The following GRIK4 variants were observed in gnomAD, a reference collection of about 807,000 sequenced individuals.
The protein encoded by GRIK4 is glutamate receptor ionotropic, kainate 4.
A neutral mutation model predicts 104.9 loss-of-function variants in GRIK4; 40 were observed. The observed-to-expected ratio is 0.38, with a 90% CI of 0.30 to 0.50. The LOEUF (loss-of-function observed/expected upper bound fraction) is 0.50. GRIK4 is among the 20% of genes least tolerant of loss of function. The pLI is 0.93. For missense variants in GRIK4, 1,047 were observed against 1,308.1 expected (o/e 0.80, Z 3.08); for synonymous variants, 485 against 524.9 (o/e 0.92, Z 1.04).
At chr11:120,768,459 C>T (rs775855207) in intron 3 of GRIK4, among the ~76,000 whole-genome samples, 36 of 152,050 alleles carry the variant, frequency 2.4e-4, no homozygotes, top group East Asian at 5.8e-4. Flanking sequence ...TTAAAACTTT[C>T]GAGTTTTCTA....
intron 3 of GRIK4, among the ~76,000 whole-genome samples, chr11:120,672,703 AG>A (rs1417347933): frequency 6.0e-5 from 9 of 150,370 alleles, no homozygotes; most frequent in African/African-American, 2.3e-4. Flanking sequence ...TGTGAATGCG[AG>A]TTTGCTCGTG....
chr11:120,559,871 C>T (rs1052525627), intron 1 of GRIK4, among the ~76,000 whole-genome samples: 5 of 152,160 alleles, frequency 3.3e-5, no homozygotes, highest in African/African-American at 9.7e-5. Flanking sequence ...ACACCAGCAG[C>T]GAGAGGAGAC....
chr11:120,953,098 A>G lies in GRIK4; in HGVS notation c.1700+134A>G. On this transcript the variant is annotated intron_variant, in intron 15 of 20. Coordinates refer to ENST00000527524, the MANE Select transcript of GRIK4 (RefSeq NM_014619.5). This position sits in a 1 kb window ranked among gnomAD's most constrained non-coding sequence, Gnocchi z 4.9. The stretch of plus-strand genomic sequence containing the variant: ...GATCTTGGTGCCAAACTAGAAGGAC[A>G]GGAGAAGGACTGGGGGCCTGAAATG... The G allele has an allele frequency of 3.1e-6, 2 of 641,406 alleles. No individual in the cohort carries two copies. Among genetic ancestry groups the G allele is most frequent in the Middle Eastern group, 6.6e-4 (2 of 3,036 alleles). 39.7% of individuals were successfully genotyped at this position (641,406 alleles called of 1,614,324 possible).
Position 120,931,909 on chromosome 11 carries a change from G to A in GRIK4, c.1477-8438G>A, listed in dbSNP as rs185163240. On this transcript the variant is annotated intron_variant, in intron 13 of 20. Coordinates refer to ENST00000527524, the MANE Select transcript of GRIK4 (RefSeq NM_014619.5). ...CATGCTCCTGGCCCTGTGTGTTCTAGCCACTCTGGCCTTCCCACAGCCCCT... is the reference window on the plus strand; with the variant it reads ...CATGCTCCTGGCCCTGTGTGTTCTAACCACTCTGGCCTTCCCACAGCCCCT... Among the ~76,000 whole-genome samples, 9 of 152,168 alleles carry A rather than the reference G, an allele frequency of 5.9e-5. No homozygotes were observed. The East Asian group carries it at 1.7e-3, about 29-fold the overall frequency.
chr11:120,525,347 A>G (rs1010330097), intron 1 of GRIK4, among the ~76,000 whole-genome samples: 1 of 152,106 alleles, frequency 6.6e-6, no homozygotes, highest in Non-Finnish European at 1.5e-5. Flanking sequence ...TGCCTTTGGT[A>G]TCATACCTTT....
At chr11:120,943,092 A>G (rs1203515670) in intron 14 of GRIK4, among the ~76,000 whole-genome samples, 4 of 89,682 alleles carry the variant, frequency 4.5e-5, no homozygotes, top group Non-Finnish European at 9.8e-5. Flanking sequence ...CAATATCTCT[A>G]TCTCTGTCCC....
chr11:120,834,885 C>A (rs1469308879), intron 7 of GRIK4, among the ~76,000 whole-genome samples: 1 of 152,274 alleles, frequency 6.6e-6, no homozygotes, highest in Non-Finnish European at 1.5e-5. Flanking sequence ...CGCCCGGACC[C>A]TCTGCCCCCA....
At chr11:120,616,866 GC>G (rs1344203804) in intron 1 of GRIK4, among the ~76,000 whole-genome samples, 1 of 152,176 alleles carries the variant, frequency 6.6e-6, no homozygotes, top group Non-Finnish European at 1.5e-5. Context: ...TGATTCCAGT[GC>G]CCCCTGTGCA....
chr11:120,934,286 G>A (rs1379259149), intron 13 of GRIK4, among the ~76,000 whole-genome samples: 2 of 150,498 alleles, frequency 1.3e-5, no homozygotes, highest in Non-Finnish European at 2.9e-5. Context: ...AATTTTGCCC[G>A]AAAGGGGGCA....
intron 15 of GRIK4, among the ~76,000 whole-genome samples, chr11:120,954,782 T>TACACACAC (rs768646075): frequency 9.3e-6 from 1 of 107,898 alleles, no homozygotes; most frequent in Non-Finnish European, 1.8e-5. Flanking sequence ...TCTCTCTCAC[T>TACACACAC]ACACACACAC....
chr11:120,782,664 T>G (rs879572103), intron 3 of GRIK4, among the ~76,000 whole-genome samples: 3 of 152,082 alleles, frequency 2.0e-5, no homozygotes, highest in Non-Finnish European at 4.4e-5. Flanking sequence ...CGTCAAAGGG[T>G]GCCTTCTGTG....
At position 120,664,439 on chromosome 11, in the gene GRIK4, C is replaced by T. The variant is rs934206931; in HGVS notation, c.82+4039C>T. Among the ~76,000 whole-genome samples the T allele has an allele frequency of 1.9e-4, 29 of 152,250 alleles. 1 individual carries two copies. The highest frequency in any genetic ancestry group is 1.0e-3 in the Admixed American group (16 of 15,286). ...CTACCAATAATAATCAAAATAATAA[C>T]TCCCATTCTTTGCCTGGCACTGGGC... On this transcript the variant is annotated intron_variant, in intron 3 of 20. Coordinates refer to ENST00000527524, the MANE Select transcript of GRIK4 (RefSeq NM_014619.5).
chr11:120,917,222 G>C (rs1341437880), intron 13 of GRIK4, among the ~76,000 whole-genome samples: 1 of 127,718 alleles, frequency 7.8e-6, no homozygotes, highest in South Asian at 2.4e-4. Flanking sequence ...ACTCCAGCCT[G>C]GGTAACAAGA....
intron 3 of GRIK4, among the ~76,000 whole-genome samples, chr11:120,708,042 G>A (rs1950659697): frequency 6.6e-6 from 1 of 152,170 alleles, no homozygotes; most frequent in Admixed American, 6.5e-5. Context: ...CTCTTAATGG[G>A]AGGAATGCCA....
chr11:120,795,526 C>T (rs1255057988), intron 3 of GRIK4, among the ~76,000 whole-genome samples: 1 of 152,234 alleles, frequency 6.6e-6, no homozygotes, highest in East Asian at 1.9e-4. Flanking sequence ...ATTATTGATT[C>T]ACTCAACAAC....
intron 1 of GRIK4, among the ~76,000 whole-genome samples, chr11:120,611,872 G>C (rs769317651): frequency 1.3e-5 from 2 of 152,204 alleles, no homozygotes; most frequent in Non-Finnish European, 2.9e-5. Flanking sequence ...AAGCCAGTGC[G>C]TGTGAACCTG....
chr11:120,580,116 T>A (rs527330814), intron 1 of GRIK4, among the ~76,000 whole-genome samples: 8 of 152,378 alleles, frequency 5.3e-5, no homozygotes, highest in Non-Finnish European at 1.0e-4. Context: ...GTTTATTCAT[T>A]TACCCGTTGA....
chr11:120,582,393 C>T (rs779380331), intron 1 of GRIK4, among the ~76,000 whole-genome samples: 1 of 151,872 alleles, frequency 6.6e-6, no homozygotes, highest in African/African-American at 2.4e-5. Flanking sequence ...GTTTGGTGGT[C>T]AGACTATTTC....
intron 1 of GRIK4, among the ~76,000 whole-genome samples, chr11:120,522,110 C>T (rs1199678522): frequency 6.6e-6 from 1 of 152,118 alleles, no homozygotes; most frequent in African/African-American, 2.4e-5. Context: ...GTGATAGAGC[C>T]GGGATATGAA....
Sources: gnomAD v4.1 joint callset for allele counts (sites outside exome capture counted in the v4.1 genomes callset) on GRCh38, gnomAD v4.1.1 for gene constraint, Gnocchi (gnomAD v3.1) non-coding constraint, MANE v1.5 for transcripts, NCBI Gene and HGNC (gene_info 2026-07-23, HGNC 2026-07-21) for gene names.